Variants in ZNF257 observed in about 807,000 individuals in gnomAD.
The protein encoded by ZNF257 is zinc finger protein 257, also known as bone marrow zinc finger 4.
In ZNF257, 12 loss-of-function variants were observed where a neutral mutation model predicts 11.9. The observed-to-expected ratio is 1.01, with a 90% CI of 0.65 to 1.63. ZNF257 has a LOEUF of 1.63. Among genes scored for constraint, ZNF257 ranks in the 40% most tolerant of loss-of-function variants. ZNF257 has a pLI of 0.00. For synonymous variants in ZNF257, 183 were observed against 222.7 expected, an observed-to-expected ratio of 0.82 and a Z score of 1.59; for missense variants, 580 against 665.5, an observed-to-expected ratio of 0.87 and a Z score of 1.41.
intron 1 of ZNF257, among the ~76,000 whole-genome samples, chr19:22,064,952 G>T (rs1387830030): frequency 6.6e-6 from 1 of 151,698 alleles, no homozygotes; most frequent in African/African-American, 2.4e-5. Context: ...TGTTCCGGAG[G>T]CTGAGGCAGG....
intron 1 of ZNF257, chr19:22,060,505 G>A (rs1599660169): frequency 7.1e-6 from 1 of 139,996 alleles, no homozygotes; most frequent in South Asian, 2.3e-4. Context: ...TTTTTTTTCC[G>A]AGATGGAGTC....
intron 3 of ZNF257, among the ~76,000 whole-genome samples, chr19:22,079,570 T>A (rs893278645): frequency 2.0e-5 from 3 of 152,058 alleles, no homozygotes; most frequent in African/African-American, 7.3e-5. Flanking sequence ...GGAACTCCCC[T>A]CTATAAACCC....
At chr19:22,058,052 G>A (rs1288915676) in intron 1 of ZNF257, among the ~76,000 whole-genome samples, 4 of 152,120 alleles carry the variant, frequency 2.6e-5, no homozygotes, top group East Asian at 1.9e-4. Context: ...ATAAGCCACC[G>A]CGCCTAGCCA....
intron 3 of ZNF257, among the ~76,000 whole-genome samples, chr19:22,083,025 G>C (rs1454216320): frequency 2.0e-5 from 3 of 152,056 alleles, no homozygotes; most frequent in Non-Finnish European, 4.4e-5. Context: ...TAGGTTTGTT[G>C]TGAAAGGTTG....
chr19:22,085,322 G>T (rs1420259582), intron 3 of ZNF257, among the ~76,000 whole-genome samples: 4 of 152,020 alleles, frequency 2.6e-5, no homozygotes, highest in African/African-American at 9.7e-5. Flanking sequence ...ACCTGCCGTG[G>T]CCTCCCAAAG....
At chr19:22,053,785 C>T (rs1450664123) in intron 1 of ZNF257, among the ~76,000 whole-genome samples, 3 of 151,886 alleles carry the variant, frequency 2.0e-5, no homozygotes, top group Admixed American at 6.6e-5. Flanking sequence ...ATTAGCGGGG[C>T]GTGGTAGTGC....
intron 3 of ZNF257, 30 bp from the exon 4 acceptor site, chr19:22,087,947 G>A (rs896004783): frequency 6.9e-7 from 1 of 1,458,210 alleles, no homozygotes; most frequent in Non-Finnish European, 9.1e-7. Flanking sequence ...TCTAGTAAGT[G>A]GAGTAATTTG....
chr19:22,084,431 AC>A (rs1260964209), intron 3 of ZNF257, among the ~76,000 whole-genome samples: 1 of 150,794 alleles, frequency 6.6e-6, no homozygotes, highest in African/African-American at 2.4e-5. Context: ...AATGCCTCCA[AC>A]ATTGTTTCTT....
At chr19:22,087,503 C>A in intron 3 of ZNF257, 1 of 1,159,684 alleles carries the variant, frequency 8.6e-7, no homozygotes, top group Non-Finnish European at 1.1e-6. Context: ...CTCAAATTGT[C>A]ATTCTAAAGT....
At chr19:22,067,606 GC>G (rs764808316) in intron 1 of ZNF257, among the ~76,000 whole-genome samples, 84 of 152,200 alleles carry the variant, frequency 5.5e-4, no homozygotes, top group Non-Finnish European at 1.0e-3. Context: ...GGAGGCTGAG[GC>G]AGGTGGATCA....
chr19:22,052,654 A>T lies in ZNF257; in HGVS notation c.3+19A>T. The T allele has an allele frequency of 6.2e-7, 1 of 1,606,364 alleles. No individual in the cohort carries two copies. The highest frequency in any genetic ancestry group is 8.5e-7 in the Non-Finnish European group (1 of 1,175,264). Reference sequence around the variant, plus strand: ...AGAAATGGTGAGAGTGCTGGGTCCGACATCCTGGGAGAGGGGAAGGGGGTG... The same window carrying T: ...AGAAATGGTGAGAGTGCTGGGTCCGTCATCCTGGGAGAGGGGAAGGGGGTG... On this transcript the variant is annotated intron_variant, in intron 1 of 3. Coordinates refer to ENST00000594947, the MANE Select transcript of ZNF257 (RefSeq NM_033468.4).
In ZNF257 at chr19:22,080,741, CTA is replaced by C. The variant is rs377504628; in HGVS notation, c.226+7179_226+7180del. On this transcript the variant is annotated intron_variant, in intron 3 of 3. Coordinates refer to ENST00000594947, the MANE Select transcript of ZNF257 (RefSeq NM_033468.4). ...GAAAATGAGGTCTTGATGTCTACAA[CTA>C]TGTTGCTATGTATTTCCTGCTTCAA... Among the ~76,000 whole-genome samples, 55 of 151,924 alleles carry C rather than the reference CTA, an allele frequency of 3.6e-4. No individual in the cohort carries two copies. In the East Asian group the frequency reaches 8.9e-3, roughly 25 times the overall value.
intron 3 of ZNF257, among the ~76,000 whole-genome samples, chr19:22,085,495 G>C (rs1173862471): frequency 1.3e-5 from 2 of 151,930 alleles, no homozygotes; most frequent in Admixed American, 6.6e-5. Flanking sequence ...CTCTATATCT[G>C]TGTTAGAAAT....
intron 3 of ZNF257, among the ~76,000 whole-genome samples, chr19:22,078,259 T>G (rs1428972686): frequency 7.5e-6 from 1 of 133,158 alleles, no homozygotes; most frequent in South Asian, 2.7e-4. Context: ...AAAAAAAAAA[T>G]TATAGTGGCC....
At chr19:22,053,959 T>G (rs2021554180) in intron 1 of ZNF257, among the ~76,000 whole-genome samples, 1 of 152,030 alleles carries the variant, frequency 6.6e-6, no homozygotes, top group South Asian at 2.1e-4. Context: ...ACCATGCATT[T>G]GAGTTAAATT....
At chr19:22,059,270 G>C (rs2021727975) in intron 1 of ZNF257, among the ~76,000 whole-genome samples, 1 of 152,126 alleles carries the variant, frequency 6.6e-6, no homozygotes, top group South Asian at 2.1e-4. Context: ...GCACCAAACA[G>C]GTATTTTTTC....
chr19:22,069,270 G>C (rs2022037799), intron 1 of ZNF257, among the ~76,000 whole-genome samples: 1 of 152,090 alleles, frequency 6.6e-6, no homozygotes, highest in Admixed American at 6.5e-5. Flanking sequence ...AAATAGATTT[G>C]TGCAAAGAAA....
At chr19:22,073,350 TTAG>T in intron 2 of ZNF257, 116 bp from the exon 3 acceptor site, 1 of 1,170,136 alleles carries the variant, frequency 8.5e-7, no homozygotes, top group Non-Finnish European at 1.1e-6. Context: ...CTGTTATAAA[TTAG>T]TATTTTGGCA....
rs2022584888 is a variant in ZNF257, at chr19:22,089,691, G to A, written c.*249G>A. On this transcript the variant is annotated 3_prime_UTR_variant, in exon 4 of 4. Transcript: ENST00000594947. ...TCTTACTAAACATGAGAACACATGTGGAAGATAAAGCCTACAAATATGAAG... is the reference window on the plus strand; with the variant it reads ...TCTTACTAAACATGAGAACACATGTAGAAGATAAAGCCTACAAATATGAAG... 3.4e-6 allele frequency: 3 copies of A among 878,476 alleles called. No homozygotes were observed. Among genetic ancestry groups the A allele is most frequent in the Non-Finnish European group, 3.2e-6 (2 of 624,826 alleles). 54.4% of individuals were successfully genotyped at this position (878,476 alleles called of 1,614,324 possible). A position where few individuals can be genotyped will look rare whatever the true frequency, so the allele number is the denominator to read the frequency against.
Sources: gnomAD v4.1 joint callset for allele counts (sites outside exome capture counted in the v4.1 genomes callset) on GRCh38, gnomAD v4.1.1 for gene constraint, MANE v1.5 for transcripts, NCBI Gene and HGNC (gene_info 2026-07-23, HGNC 2026-07-21) for gene names.